OSBPL5: variants seen among roughly 807,000 people sequenced by gnomAD.
The protein encoded by OSBPL5 is oxysterol-binding protein-related protein 5.
In OSBPL5, 71 loss-of-function variants were observed where a neutral mutation model predicts 111.2. The ratio of observed to expected loss-of-function variants is 0.64; its 90% CI spans 0.53 to 0.78. The LOEUF (loss-of-function observed/expected upper bound fraction) is 0.78. Among genes scored for constraint, OSBPL5 ranks in the 30% least tolerant of loss-of-function variants. OSBPL5 has a pLI of 0.00. For synonymous variants in OSBPL5, 549 were observed against 513.9 expected (o/e 1.07, Z -0.93); for missense variants, 1,210 against 1,189.3 (o/e 1.02, Z -0.26).
In OSBPL5 at chr11:3,106,194, G is replaced by T. The variant is rs1211025590; in HGVS notation, c.1059+1069C>A. On this transcript the variant is annotated intron_variant, in intron 9 of 21. Transcript: ENST00000263650. The surrounding 1 kb of genome is among the most constrained non-coding windows in gnomAD (Gnocchi z 8.4). ...TTCCACTGAACACAAGGATTTCACG[G>T]ACCACGGAGGAGCCCCCTCTGTCCC... is the stretch of plus-strand genomic sequence containing the variant. Among the ~76,000 whole-genome samples, 1 of 152,094 alleles carries T rather than the reference G, an allele frequency of 6.6e-6. No individual in the cohort carries two copies. The highest frequency in any genetic ancestry group is 2.4e-5 in the African/African-American group (1 of 41,404).
intron 1 of OSBPL5, among the ~76,000 whole-genome samples, chr11:3,164,644 C>T (rs905341220): frequency 6.6e-6 from 1 of 152,210 alleles, no homozygotes; most frequent in African/African-American, 2.4e-5. Flanking sequence ...GGGCTGTGGG[C>T]AAGGTCCTTC....
chr11:3,096,230 C>A (rs1314857988), intron 14 of OSBPL5, among the ~76,000 whole-genome samples: 2 of 152,202 alleles, frequency 1.3e-5, no homozygotes, highest in African/African-American at 4.8e-5. Flanking sequence ...AGGCACGTGG[C>A]AGCTGGGGAT....
rs1857732673 is a variant in OSBPL5 at position 3,107,268 on chromosome 11, C to T, written c.1054G>A (p.Gly352Arg). The change falls in exon 9 of 22, where the codon GGG becomes AGG. Residue 352 changes from glycine (G) to arginine (R), a missense_variant. Coordinates refer to ENST00000263650, the MANE Select transcript of OSBPL5 (RefSeq NM_020896.4). The surrounding 1 kb of genome is among the most constrained non-coding windows in gnomAD (Gnocchi z 6.1). ...TYVEQVQEEL[G>R]ELGEASQVET... ...CCTGGCTGGGGGGCTCTCACCTCCC[C>T]CAGCTCCTCCTGGACCTGCTCCACA... 1 of 1,612,260 alleles carries T rather than the reference C, an allele frequency of 6.2e-7. No individual in the cohort carries two copies. The highest frequency in any genetic ancestry group is 8.5e-7 in the Non-Finnish European group (1 of 1,179,512).
At chr11:3,094,182 C>T in intron 15 of OSBPL5, 55 bp downstream of exon 15, 6 of 1,546,242 alleles carry the variant, frequency 3.9e-6, no homozygotes, top group Non-Finnish European at 5.3e-6. Flanking sequence ...AGGGGGATCC[C>T]CAAGGCTTCG....
Position 3,110,070 on chromosome 11 carries a change from C to T in OSBPL5, c.692-2125G>A, listed in dbSNP as rs7925795. Reference sequence around the variant, plus strand: ...CCCCGGGCCTGCATGGGACCTGGCACATAGTGGGGCACTCAGGATGGCCCA... The same window carrying T: ...CCCCGGGCCTGCATGGGACCTGGCATATAGTGGGGCACTCAGGATGGCCCA... On this transcript the variant is annotated intron_variant, in intron 7 of 21. Coordinates refer to ENST00000263650, the MANE Select transcript of OSBPL5 (RefSeq NM_020896.4). This position sits in a 1 kb window ranked among gnomAD's most constrained non-coding sequence, Gnocchi z 5.3. Among the ~76,000 whole-genome samples the T allele has an allele frequency of 0.021, 3,205 of 152,266 alleles. 117 individuals are homozygous for T. The highest frequency in any genetic ancestry group is 0.073 in the African/African-American group (3,031 of 41,550).
chr11:3,116,236 A>G (rs970462659), intron 7 of OSBPL5, among the ~76,000 whole-genome samples: 9 of 152,220 alleles, frequency 5.9e-5, no homozygotes, highest in Non-Finnish European at 1.0e-4. Context: ...CCTAATATAC[A>G]TTATCAGTAA....
intron 1 of OSBPL5, among the ~76,000 whole-genome samples, chr11:3,163,236 G>A (rs1847017482): frequency 6.6e-6 from 1 of 152,146 alleles, no homozygotes; most frequent in Non-Finnish European, 1.5e-5. Context: ...ATGGGGGCGG[G>A]GGGCACCTTC....
chr11:3,135,005 C>A (rs745372307), intron 1 of OSBPL5, among the ~76,000 whole-genome samples: 17 of 152,214 alleles, frequency 1.1e-4, no homozygotes, highest in Non-Finnish European at 1.3e-4. Context: ...CCCCAGCCCC[C>A]GAGCTGGGCC....
rs1175823704 is a variant in OSBPL5 at position 3,105,111 on chromosome 11, A to G, written c.1060-734T>C. Reference sequence around the variant, plus strand: ...CAGACTTGCACCTCACCGCAGCCCCAGGGAACGGGGACCCTGGTCCTCCCC... The same window carrying G: ...CAGACTTGCACCTCACCGCAGCCCCGGGGAACGGGGACCCTGGTCCTCCCC... On this transcript the variant is annotated intron_variant, in intron 9 of 21. Transcript: ENST00000263650. This position sits in a 1 kb window ranked among gnomAD's most constrained non-coding sequence, Gnocchi z 5.2. Among the ~76,000 whole-genome samples, 2 of 152,138 alleles carry G rather than the reference A, an allele frequency of 1.3e-5. No individual in the cohort carries two copies. Among genetic ancestry groups the G allele is most frequent in the African/African-American group, 4.8e-5 (2 of 41,446 alleles).
chr11:3,156,636 G>A (rs1384401826), intron 1 of OSBPL5, among the ~76,000 whole-genome samples: 1 of 152,246 alleles, frequency 6.6e-6, no homozygotes, highest in African/African-American at 2.4e-5. Flanking sequence ...GGACCTTGAC[G>A]ACGCTGGGGT....
intron 10 of OSBPL5, among the ~76,000 whole-genome samples, chr11:3,103,679 T>TCTGCAGTCCCTTCCAGC (rs1857535551): frequency 2.8e-5 from 3 of 107,948 alleles, no homozygotes. Context: ...CCCCTTCCAG[T>TCTGCAGTCCCTTCCAGC]CTCTGCAGCC....
In OSBPL5 at chr11:3,088,219, G is replaced by C; in HGVS notation, c.2626C>G (p.His876Asp). ...CCTCAGGGCTCCTATTTGAGGATGT[G>C]GTTAATGAACAGCTGACACGCCAGG... Reference protein sequence around the residue: ...VFLACQLFINHILK With the variant: ...VFLACQLFINDILK Residue 876 changes from histidine to aspartate, a missense_variant, in exon 22 of 22, where the codon CAC becomes GAC. His to Asp is a moderately conservative substitution (Grantham distance 81). Transcript: ENST00000263650. The C allele has an allele frequency of 6.3e-7, 1 of 1,596,718 alleles. No individual in the cohort carries two copies. Among genetic ancestry groups the C allele is most frequent in the South Asian group, 1.1e-5 (1 of 88,356 alleles).
chr11:3,099,599 A>G (rs912292850), intron 14 of OSBPL5, among the ~76,000 whole-genome samples: 3 of 152,264 alleles, frequency 2.0e-5, no homozygotes, highest in African/African-American at 7.2e-5. Context: ...TAGCAAGACT[A>G]CAGGGCACCA....
chr11:3,095,194 A>AG (rs1857211626), intron 14 of OSBPL5, among the ~76,000 whole-genome samples: 2 of 150,608 alleles, frequency 1.3e-5, no homozygotes, highest in Non-Finnish European at 1.5e-5. Flanking sequence ...TGCAGCTCTG[A>AG]TGGGGGGAGG....
At chr11:3,133,448 C>G (rs1018449016) in intron 1 of OSBPL5, among the ~76,000 whole-genome samples, 2 of 152,242 alleles carry the variant, frequency 1.3e-5, no homozygotes, top group Non-Finnish European at 2.9e-5. Flanking sequence ...CCCCGGGCCA[C>G]GCTCCGGCCA....
intron 14 of OSBPL5, among the ~76,000 whole-genome samples, chr11:3,095,302 C>T (rs1211701292): frequency 4.2e-5 from 5 of 120,078 alleles, no homozygotes; most frequent in Admixed American, 3.4e-4. Context: ...CAGAGTGAGA[C>T]TCTGTCTCAA....
chr11:3,124,821 T>TGGATGGATG (rs1332640093), intron 3 of OSBPL5, among the ~76,000 whole-genome samples: 2 of 151,606 alleles, frequency 1.3e-5, no homozygotes, highest in African/African-American at 4.9e-5. Flanking sequence ...AATGGATGGA[T>TGGATGGATG]GGATGGATGG....
At chr11:3,136,427 C>A (rs1845949852) in intron 1 of OSBPL5, among the ~76,000 whole-genome samples, 1 of 152,278 alleles carries the variant, frequency 6.6e-6, no homozygotes, top group South Asian at 2.1e-4. Flanking sequence ...GCAGACACTG[C>A]CTCAGCTCTG....
intron 10 of OSBPL5, among the ~76,000 whole-genome samples, chr11:3,103,727 C>CCCCTTCCTGCCTCTGCAGT (rs1324335239): frequency 0.057 from 4,579 of 79,824 alleles, 196 homozygotes; most frequent in South Asian, 0.097. Flanking sequence ...GGCTCTGCTG[C>CCCCTTCCTGCCTCTGCAGT]CCCTTCCTGC....
Sources: gnomAD v4.1 joint callset for allele counts (sites outside exome capture counted in the v4.1 genomes callset) on GRCh38, gnomAD v4.1.1 for gene constraint, Gnocchi (gnomAD v3.1) non-coding constraint, MANE v1.5 for transcripts, NCBI Gene and HGNC (gene_info 2026-07-23, HGNC 2026-07-21) for gene names.